BRINP3: variants seen among roughly 807,000 people sequenced by gnomAD.
BRINP3 encodes BMP/retinoic acid-inducible neural-specific protein 3.
In BRINP3, 19 loss-of-function variants were observed where a neutral mutation model predicts 71.0. The observed-to-expected ratio is 0.27, with a 90% CI of 0.19 to 0.39. The LOEUF is 0.39. Ranked by LOEUF, BRINP3 falls within the 10% of genes least tolerant of loss-of-function variation. The pLI is 1.00. For synonymous variants in BRINP3, 380 were observed against 337.7 expected, an observed-to-expected ratio of 1.13 and a Z score of -1.37; for missense variants, 959 against 940.8, an observed-to-expected ratio of 1.02 and a Z score of -0.25.
chr1:190,401,784 A>G, intron 2 of BRINP3, among the ~76,000 whole-genome samples: 1 of 152,308 alleles, frequency 6.6e-6, no homozygotes, highest in Non-Finnish European at 1.5e-5. Context: ...TTATACATAC[A>G]CATGTAGTTG....
At chr1:190,466,440 A>C (rs1676755328) in intron 1 of BRINP3, among the ~76,000 whole-genome samples, 3 of 151,770 alleles carry the variant, frequency 2.0e-5, no homozygotes. Context: ...CTGACAAATA[A>C]ATATTACATT....
chr1:190,411,101 TA>T (rs979380461), intron 2 of BRINP3, among the ~76,000 whole-genome samples: 4 of 152,066 alleles, frequency 2.6e-5, no homozygotes, highest in Non-Finnish European at 2.9e-5. Flanking sequence ...GGTTTAAGGA[TA>T]GATACACAAA....
chr1:190,151,640 T>C (rs1656404624), intron 7 of BRINP3, among the ~76,000 whole-genome samples: 1 of 152,176 alleles, frequency 6.6e-6, no homozygotes. Flanking sequence ...TGAATCAGCA[T>C]TTTATTTGCT....
chr1:190,355,454 C>G (rs544554542), intron 2 of BRINP3, among the ~76,000 whole-genome samples: 1 of 151,790 alleles, frequency 6.6e-6, no homozygotes, highest in South Asian at 2.1e-4. Flanking sequence ...GGCCAAAAAC[C>G]AAAAACAAAC....
chr1:190,408,245 C>T (rs1373562249), intron 2 of BRINP3, among the ~76,000 whole-genome samples: 1 of 151,092 alleles, frequency 6.6e-6, no homozygotes, highest in Non-Finnish European at 1.5e-5. Context: ...GGGGTTTCAC[C>T]GTGTTAGCCA....
intron 4 of BRINP3, among the ~76,000 whole-genome samples, chr1:190,234,866 G>C (rs967816990): frequency 1.3e-5 from 2 of 152,026 alleles, no homozygotes; most frequent in South Asian, 4.2e-4. Flanking sequence ...CCATCTGCCA[G>C]GCTACTCTCT....
intron 2 of BRINP3, among the ~76,000 whole-genome samples, chr1:190,417,587 T>C (rs915490746): frequency 2.0e-5 from 3 of 152,162 alleles, no homozygotes; most frequent in African/African-American, 7.2e-5. Context: ...GATACCAACA[T>C]ACTTGATACA....
intron 6 of BRINP3, among the ~76,000 whole-genome samples, chr1:190,171,542 T>C (rs549144761): frequency 5.9e-5 from 9 of 152,284 alleles, no homozygotes; most frequent in Non-Finnish European, 7.4e-5. Context: ...TACAGAAAAG[T>C]TGAATTAGTA....
chr1:190,264,209 T>A (rs1325306869), intron 4 of BRINP3, among the ~76,000 whole-genome samples: 1 of 152,180 alleles, frequency 6.6e-6, no homozygotes, highest in Non-Finnish European at 1.5e-5. Flanking sequence ...CATTTTCTTT[T>A]TTTTCTTTTG....
chr1:190,294,978 A>G (rs2102978443), intron 2 of BRINP3, among the ~76,000 whole-genome samples: 1 of 151,986 alleles, frequency 6.6e-6, no homozygotes, highest in South Asian at 2.1e-4. Flanking sequence ...CTCAAGCAGA[A>G]GGATTCTCTC....
At chr1:190,437,647 T>C (rs1033005777) in intron 2 of BRINP3, among the ~76,000 whole-genome samples, 6 of 151,852 alleles carry the variant, frequency 4.0e-5, no homozygotes, top group Admixed American at 1.3e-4. Flanking sequence ...ATCAACAGAT[T>C]GTCTTGATGT....
chr1:190,273,464 T>C (rs1558132976), intron 3 of BRINP3, among the ~76,000 whole-genome samples: 1 of 151,528 alleles, frequency 6.6e-6, no homozygotes, highest in Non-Finnish European at 1.5e-5. Context: ...CACATAGAAA[T>C]CATGCAGCTG....
At chr1:190,238,717 T>C (rs564085959) in intron 4 of BRINP3, among the ~76,000 whole-genome samples, 36 of 152,186 alleles carry the variant, frequency 2.4e-4, no homozygotes, top group African/African-American at 8.4e-4. Context: ...CTTTAGAAAA[T>C]TCTTTGAAAG....
At chr1:190,247,336 T>C (rs1401471915) in intron 4 of BRINP3, among the ~76,000 whole-genome samples, 4 of 151,850 alleles carry the variant, frequency 2.6e-5, no homozygotes, top group Non-Finnish European at 5.9e-5. Flanking sequence ...GCATTTTTGT[T>C]TTAGAAAAAG....
intron 3 of BRINP3, among the ~76,000 whole-genome samples, chr1:190,277,102 T>TAC (rs2102919953): frequency 8.6e-6 from 1 of 115,612 alleles, no homozygotes; most frequent in African/African-American, 2.9e-5. Flanking sequence ...TATATATATA[T>TAC]ATATATATAT....
chr1:190,169,609 C>T (rs1651841613), intron 6 of BRINP3, among the ~76,000 whole-genome samples: 2 of 152,186 alleles, frequency 1.3e-5, no homozygotes, highest in South Asian at 4.2e-4. Context: ...ATTTGTAGTT[C>T]AACAAGATTT....
intron 2 of BRINP3, among the ~76,000 whole-genome samples, chr1:190,438,254 T>G (rs1674594520): frequency 6.6e-6 from 1 of 151,420 alleles, no homozygotes; most frequent in Non-Finnish European, 1.5e-5. Flanking sequence ...TAAAAATACC[T>G]AAAATATTTC....
chr1:190,403,016 C>T (rs1558254540), intron 2 of BRINP3, among the ~76,000 whole-genome samples: 1 of 152,148 alleles, frequency 6.6e-6, no homozygotes. Context: ...AATGAGCTAC[C>T]TATCTTGTCC....
chr1:190,473,540 C>CTTTTT (rs201424484), intron 1 of BRINP3, among the ~76,000 whole-genome samples: 2 of 133,076 alleles, frequency 1.5e-5, no homozygotes, highest in African/African-American at 2.8e-5. Context: ...TAATTTTTCT[C>CTTTTT]TTTTTTTTTT....
Sources: allele counts gnomAD v4.1 joint callset (sites outside exome capture counted in the v4.1 genomes callset), GRCh38; gene constraint gnomAD v4.1.1; transcripts MANE v1.5; gene names NCBI Gene and HGNC (gene_info 2026-07-23, HGNC 2026-07-21).